TBC1D22A: variants seen among roughly 807,000 people sequenced by gnomAD.
The protein encoded by TBC1D22A is TBC1 domain family member 22A.
In TBC1D22A, 38 loss-of-function variants were observed where a neutral mutation model predicts 60.2. The observed-to-expected ratio is 0.63, with a 90% CI of 0.49 to 0.83. TBC1D22A has a LOEUF of 0.83. Ranked by LOEUF, TBC1D22A falls within the 40% of genes least tolerant of loss-of-function variation. The probability of loss-of-function intolerance (pLI) is 0.00; values close to 1 mark genes in which losing one functional copy is unlikely to be tolerated. For missense variants in TBC1D22A, 628 were observed against 701.0 expected (o/e 0.90, Z 1.18); for synonymous variants, 302 against 281.7 (o/e 1.07, Z -0.72).
chr22:46,831,126 A>T (rs1170257688), intron 4 of TBC1D22A, among the ~76,000 whole-genome samples: 1 of 152,136 alleles, frequency 6.6e-6, no homozygotes, highest in Non-Finnish European at 1.5e-5. Flanking sequence ...ATGAGAATGG[A>T]GGTGTTGGTG....
In TBC1D22A at chr22:46,884,495, G is replaced by T. The variant is rs191291232; in HGVS notation, c.708+5772G>T. Among the ~76,000 whole-genome samples the T allele has an allele frequency of 6.3e-4, 96 of 152,340 alleles. No individual in the cohort carries two copies. In the East Asian group the frequency reaches 0.017, roughly 28 times the overall value. Reference sequence around the variant, plus strand: ...GTGGGCTCCTCCCACAGCCGGGGAGGTGGAGACCGAGAGAGGGTGCTCTTG... The same window carrying T: ...GTGGGCTCCTCCCACAGCCGGGGAGTTGGAGACCGAGAGAGGGTGCTCTTG... On this transcript the variant is annotated intron_variant, in intron 5 of 12. Coordinates refer to ENST00000337137, the MANE Select transcript of TBC1D22A (RefSeq NM_014346.5).
At chr22:47,096,703 G>T (rs1010916498) in intron 11 of TBC1D22A, among the ~76,000 whole-genome samples, 14 of 152,170 alleles carry the variant, frequency 9.2e-5, no homozygotes, top group African/African-American at 1.7e-4. Flanking sequence ...ATGCCTGTAA[G>T]CCCAGCTACT....
chr22:46,804,109 A>C (rs1035133169), intron 4 of TBC1D22A, among the ~76,000 whole-genome samples: 2 of 152,188 alleles, frequency 1.3e-5, no homozygotes, highest in Admixed American at 6.5e-5. Context: ...TGAGCCAAGG[A>C]CGGGCTTTCC....
intron 12 of TBC1D22A, among the ~76,000 whole-genome samples, chr22:47,120,382 C>T (rs113697308): frequency 2.6e-3 from 390 of 152,320 alleles, no homozygotes; most frequent in African/African-American, 9.1e-3. Flanking sequence ...AAATGTTCAG[C>T]GAAGGCTCCT....
intron 1 of TBC1D22A, among the ~76,000 whole-genome samples, chr22:46,791,348 G>T (rs1403415588): frequency 2.0e-5 from 3 of 152,166 alleles, no homozygotes; most frequent in Non-Finnish European, 4.4e-5. Context: ...AGTCTGTGGT[G>T]AGCAGCGCAG....
At chr22:46,794,297 G>A (rs2084555556) in intron 3 of TBC1D22A, among the ~76,000 whole-genome samples, 1 of 152,232 alleles carries the variant, frequency 6.6e-6, no homozygotes, top group Non-Finnish European at 1.5e-5. Flanking sequence ...CAGCTTACAG[G>A]ATTCCTGCCA....
At chr22:46,993,528 T>C (rs1475790782) in intron 9 of TBC1D22A, among the ~76,000 whole-genome samples, 1 of 152,246 alleles carries the variant, frequency 6.6e-6, no homozygotes, top group Non-Finnish European at 1.5e-5. Flanking sequence ...AGTTCCTGTT[T>C]TGCTGCCCAG....
Position 46,983,479 on chromosome 22 carries a change from C to A in TBC1D22A, c.1125+9080C>A, listed in dbSNP as rs113274435. On this transcript the variant is annotated intron_variant, in intron 9 of 12. Coordinates refer to ENST00000337137, the MANE Select transcript of TBC1D22A (RefSeq NM_014346.5). ...TTGTCTTTATTTTTCACTTTCTTTC[C>A]TGATTGGGCTTTCTGCCCATTTGCC... 4.1e-3 allele frequency among the ~76,000 whole-genome samples: 623 copies of A among 152,170 alleles called. 2 individuals carry two copies. Among genetic ancestry groups the A allele is most frequent in the Non-Finnish European group, 6.9e-3 (470 of 68,016 alleles).
At chr22:47,066,414 G>T (rs983014200) in intron 11 of TBC1D22A, among the ~76,000 whole-genome samples, 7 of 152,124 alleles carry the variant, frequency 4.6e-5, no homozygotes, top group African/African-American at 1.7e-4. Context: ...GGGGAGGTCG[G>T]GAGGGAGGGA....
intron 10 of TBC1D22A, among the ~76,000 whole-genome samples, chr22:47,013,873 C>T (rs915657688): frequency 3.3e-5 from 5 of 152,202 alleles, no homozygotes; most frequent in African/African-American, 9.6e-5. Flanking sequence ...CCACAGTCAC[C>T]TAGGCCTCCC....
chr22:47,087,758 CACCCATAAG>C (rs2064755259), intron 11 of TBC1D22A, among the ~76,000 whole-genome samples: 1 of 152,134 alleles, frequency 6.6e-6, no homozygotes, highest in African/African-American at 2.4e-5. Flanking sequence ...AGAAGTAAAA[CACCCATAAG>C]CTTAAATATG....
At chr22:47,043,130 C>G (rs562561664) in intron 11 of TBC1D22A, among the ~76,000 whole-genome samples, 3 of 152,356 alleles carry the variant, frequency 2.0e-5, no homozygotes, top group Admixed American at 2.0e-4. Flanking sequence ...TGACAGCAAA[C>G]CAGCAGCATC....
At chr22:46,928,083 T>A (rs2147875057) in intron 8 of TBC1D22A, among the ~76,000 whole-genome samples, 1 of 151,722 alleles carries the variant, frequency 6.6e-6, no homozygotes, top group Middle Eastern at 3.4e-3. Context: ...ATCTTAAAAT[T>A]CATTTGGGAA....
chr22:47,165,969 T>C (rs1260257488), intron 12 of TBC1D22A, among the ~76,000 whole-genome samples: 1 of 152,236 alleles, frequency 6.6e-6, no homozygotes, highest in Non-Finnish European at 1.5e-5. Flanking sequence ...TGTTTCATCT[T>C]TCTCTGTTAG....
At chr22:46,813,351 C>T (rs538016830) in intron 4 of TBC1D22A, among the ~76,000 whole-genome samples, 6 of 152,086 alleles carry the variant, frequency 3.9e-5, no homozygotes, top group Non-Finnish European at 7.4e-5. Context: ...ATTTTTTGAT[C>T]CTTAGTATGC....
At chr22:46,820,081 A>C (rs892991504) in intron 4 of TBC1D22A, among the ~76,000 whole-genome samples, 1 of 152,092 alleles carries the variant, frequency 6.6e-6, no homozygotes, top group Non-Finnish European at 1.5e-5. Flanking sequence ...GTCAGTGGTG[A>C]TATCTCCTTT....
At chr22:46,899,998 G>T (rs1847383971) in intron 7 of TBC1D22A, among the ~76,000 whole-genome samples, 2 of 151,610 alleles carry the variant, frequency 1.3e-5, no homozygotes, top group African/African-American at 4.8e-5. Flanking sequence ...CCATTCCACA[G>T]GTGATGGCTG....
chr22:47,037,675 T>A (rs2062700532), intron 11 of TBC1D22A, among the ~76,000 whole-genome samples: 1 of 152,178 alleles, frequency 6.6e-6, no homozygotes, highest in Non-Finnish European at 1.5e-5. Flanking sequence ...CCTGGCATGC[T>A]TTTTATCTGA....
Position 46,793,792 on chromosome 22 carries a change from C to T in TBC1D22A, c.411C>T (p.Asp137=), listed in dbSNP as rs1404043554. ...EAEPPSPPSG[D]LRLVKSVSES... is the part of the protein sequence containing the mutation. The stretch of plus-strand genomic sequence containing the variant: ...AGCCGCCCTCACCCCCCAGCGGCGA[C>T]CTCCGGCTGGTGAAGTCGGTCAGTG... Residue 137 remains aspartate, a synonymous_variant, in exon 3 of 13, where the codon GAC becomes GAT. Transcript: ENST00000337137. 5.6e-6 allele frequency: 9 copies of T among 1,599,008 alleles called. No homozygotes were observed. The highest frequency in any genetic ancestry group is 7.7e-6 in the Non-Finnish European group (9 of 1,173,418).
Sources: gnomAD v4.1 joint callset for allele counts (sites outside exome capture counted in the v4.1 genomes callset) on GRCh38, gnomAD v4.1.1 for gene constraint, MANE v1.5 for transcripts, NCBI Gene and HGNC (gene_info 2026-07-23, HGNC 2026-07-21) for gene names.